CFH: variants seen among roughly 807,000 people sequenced by gnomAD.
CFH encodes complement factor H.
CFH carries 53 observed loss-of-function variants against 147.3 expected under a neutral mutation model. That is an observed-to-expected ratio of 0.36 (90% CI 0.29 to 0.45). The LOEUF is 0.45. Among genes scored for constraint, CFH ranks in the 20% least tolerant of loss-of-function variants. The pLI is 1.00. For synonymous variants in CFH, 536 were observed against 489.4 expected (o/e 1.10, Z -1.26); for missense variants, 1,380 against 1,498.0 (o/e 0.92, Z 1.30).
At chr1:196,702,808 G>A (rs2149097073) in intron 9 of CFH, among the ~76,000 whole-genome samples, 1 of 152,134 alleles carries the variant, frequency 6.6e-6, no homozygotes, top group East Asian at 1.9e-4. Flanking sequence ...TATCAAAACT[G>A]CATTTTGATC....
intron 20 of CFH, among the ~76,000 whole-genome samples, chr1:196,743,878 G>C (rs1342751257): frequency 6.6e-6 from 1 of 152,074 alleles, no homozygotes; most frequent in East Asian, 1.9e-4. Context: ...ACAACACTTA[G>C]TTCCTTCTCA....
At chr1:196,711,821 G>T (rs1215529316) in intron 9 of CFH, among the ~76,000 whole-genome samples, 2 of 152,006 alleles carry the variant, frequency 1.3e-5, no homozygotes, top group Non-Finnish European at 2.9e-5. Flanking sequence ...TTCTTCATCT[G>T]ATAGGTATCC....
rs145648306 is a variant in CFH at position 196,708,956 on chromosome 1, G to T, written c.1337-4779G>T. 4.8e-3 allele frequency among the ~76,000 whole-genome samples: 731 copies of T among 152,268 alleles called. 9 individuals are homozygous for T. Among genetic ancestry groups the T allele is most frequent in the African/African-American group, 0.016 (684 of 41,552 alleles). ...GGCAACCACAGAAATAATTGCAAAA[G>T]AGGCTGCTAAGAACATTGAGGCTGA... On this transcript the variant is annotated intron_variant, in intron 9 of 21. Transcript: ENST00000367429.
chr1:196,714,453 A>G (rs1397714478), intron 10 of CFH, among the ~76,000 whole-genome samples: 1 of 150,534 alleles, frequency 6.6e-6, no homozygotes, highest in African/African-American at 2.4e-5. Context: ...GATGGTACCA[A>G]TTTCTGCTCT....
intron 9 of CFH, among the ~76,000 whole-genome samples, chr1:196,694,569 G>A (rs898462456): frequency 6.6e-6 from 1 of 152,228 alleles, no homozygotes; most frequent in East Asian, 1.9e-4. Flanking sequence ...TGATCTTTGA[G>A]GAGTTGCCAC....
rs569144780 is a variant in CFH at position 196,745,747 on chromosome 1, T to C, written c.3311-70T>C. 17 of 1,604,432 alleles carry C rather than the reference T, an allele frequency of 1.1e-5. No homozygotes were observed. The South Asian group carries it at 1.8e-4, about 17-fold the overall frequency. On this transcript the variant is annotated intron_variant, in intron 20 of 21. Coordinates refer to ENST00000367429, the MANE Select transcript of CFH (RefSeq NM_000186.4). ...TATTATATACAGTGCTGTGTTTGCG[T>C]TTGCCTTATTTGAACTTGTATTTTG...
chr1:196,711,226 T>C (rs1668716938), intron 9 of CFH, among the ~76,000 whole-genome samples: 2 of 152,104 alleles, frequency 1.3e-5, no homozygotes, highest in African/African-American at 2.4e-5. Context: ...TTGAGATTAA[T>C]TTTTTCTACT....
intron 6 of CFH, among the ~76,000 whole-genome samples, chr1:196,680,181 A>T (rs1486232125): frequency 6.6e-6 from 1 of 151,806 alleles, no homozygotes; most frequent in African/African-American, 2.4e-5. Context: ...AAATACTTTA[A>T]AAGTAACTTG....
Position 196,736,994 on chromosome 1 carries a change from C to T in CFH, c.2584C>T (p.Pro862Ser). Residue 862 changes from proline to serine, a missense_variant, in exon 16 of 22, where the codon CCA becomes TCA. Pro to Ser is a moderately conservative substitution (Grantham distance 74). This residue lies in a region of CFH where 830 missense variants were observed against 821.4 expected (regional missense o/e 1.01). Transcript: ENST00000367429. Reference sequence around the variant, plus strand: ...CAAAGATGGAAGATGGCAGTCAATACCACTCTGTGTTGGTCAGTAGTGTAT... The same window carrying T: ...CAAAGATGGAAGATGGCAGTCAATATCACTCTGTGTTGGTCAGTAGTGTAT... ...TCKDGRWQSI[P>S]LCVEKIPCSQ... 3 of 1,609,128 alleles carry T rather than the reference C, an allele frequency of 1.9e-6. No individual in the cohort carries two copies. Among genetic ancestry groups the T allele is most frequent in the Non-Finnish European group, 2.5e-6 (3 of 1,176,718 alleles).
At chr1:196,699,813 A>T (rs914909986) in intron 9 of CFH, among the ~76,000 whole-genome samples, 7 of 152,176 alleles carry the variant, frequency 4.6e-5, no homozygotes, top group Non-Finnish European at 8.8e-5. Flanking sequence ...AATTTTTAAA[A>T]ACAGTTAAGG....
intron 9 of CFH, among the ~76,000 whole-genome samples, chr1:196,694,036 G>A (rs1312176424): frequency 1.3e-5 from 2 of 150,696 alleles, no homozygotes; most frequent in South Asian, 2.1e-4. Flanking sequence ...TGTGCAGAAC[G>A]TGCAGGTTTG....
chr1:196,682,259 G>A (rs1474118744), intron 6 of CFH, among the ~76,000 whole-genome samples: 1 of 151,740 alleles, frequency 6.6e-6, no homozygotes, highest in Non-Finnish European at 1.5e-5. Flanking sequence ...AGCATAGAGT[G>A]CTAACCTTGA....
intron 9 of CFH, among the ~76,000 whole-genome samples, chr1:196,702,454 C>T (rs867661799): frequency 6.6e-6 from 1 of 151,636 alleles, no homozygotes; most frequent in Non-Finnish European, 1.5e-5. Flanking sequence ...CCACTTCCAA[C>T]CTACTTAATT....
At chr1:196,680,774 A>G (rs897092957) in intron 6 of CFH, among the ~76,000 whole-genome samples, 1 of 151,830 alleles carries the variant, frequency 6.6e-6, no homozygotes, top group Non-Finnish European at 1.5e-5. Context: ...ACATGTTTAA[A>G]CTGTGCTTTA....
rs76731119 is a variant in CFH at position 196,714,520 on chromosome 1, C to T, written c.1519+603C>T. Among the ~76,000 whole-genome samples the T allele has an allele frequency of 7.3e-4, 110 of 150,006 alleles. 1 individual carries two copies. The East Asian group carries it at 0.02, about 27-fold the overall frequency. Reference sequence around the variant, plus strand: ...TATTTATGAAGATTTCCCTACCACACTATCTAGATATTTATGAAAATTTTC... The same window carrying T: ...TATTTATGAAGATTTCCCTACCACATTATCTAGATATTTATGAAAATTTTC... On this transcript the variant is annotated intron_variant, in intron 10 of 21. Transcript: ENST00000367429.
At chr1:196,658,335 C>T (rs986050859) in intron 1 of CFH, among the ~76,000 whole-genome samples, 3 of 151,608 alleles carry the variant, frequency 2.0e-5, no homozygotes, top group African/African-American at 7.3e-5. Context: ...GCAGCCTCGA[C>T]CTCCTGGGCT....
chr1:196,741,710 A>T, intron 18 of CFH, 165 bp from the exon 19 acceptor site: 1 of 622,082 alleles, frequency 1.6e-6, no homozygotes, highest in Non-Finnish European at 2.8e-6. Context: ...AGAAGAATTT[A>T]ATGTAATTAA....
chr1:196,746,706 A>G (rs150469815), intron 21 of CFH, among the ~76,000 whole-genome samples: 38 of 152,268 alleles, frequency 2.5e-4, no homozygotes, highest in Non-Finnish European at 4.3e-4. Context: ...CCAATTTTCA[A>G]ATAAACAATA....
At chr1:196,693,553 C>G (rs981011165) in intron 9 of CFH, among the ~76,000 whole-genome samples, 29 of 152,198 alleles carry the variant, frequency 1.9e-4, no homozygotes, top group African/African-American at 7.0e-4. Context: ...TACTAAGTGA[C>G]TAACAGGCTG....
Sources: gnomAD v4.1 joint callset for allele counts (sites outside exome capture counted in the v4.1 genomes callset) on GRCh38, gnomAD v4.1.1 for gene constraint, gnomAD v4.1.1 regional missense constraint, MANE v1.5 for transcripts, NCBI Gene and HGNC (gene_info 2026-07-23, HGNC 2026-07-21) for gene names.